Variants in AP2S1 observed in about 807,000 individuals in gnomAD.
The protein encoded by AP2S1 is adaptor related protein complex 2 subunit sigma 1.
In AP2S1, 6 loss-of-function variants were observed where a neutral mutation model predicts 21.0. That is an observed-to-expected ratio of 0.29 (90% CI 0.16 to 0.56). The LOEUF is 0.56. Among genes scored for constraint, AP2S1 ranks in the 20% least tolerant of loss-of-function variants. AP2S1 has a pLI of 0.92. For missense variants in AP2S1, 60 were observed against 186.2 expected (o/e 0.32, Z 3.95); for synonymous variants, 63 against 74.6 (o/e 0.84, Z 0.80).
chr19:46,839,448 T>TCCCCCCCCCCC lies in AP2S1; in HGVS notation c.267+16_267+17insGGGGGGGGGGG. 2 of 723,162 alleles carry TCCCCCCCCCCC rather than the reference T, an allele frequency of 2.8e-6. No homozygotes were observed. Among genetic ancestry groups the TCCCCCCCCCCC allele is most frequent in the Non-Finnish European group, 2.4e-6 (1 of 423,320 alleles). 44.8% of individuals were successfully genotyped at this position (723,162 alleles called of 1,614,324 possible). ...TGCCCACCCGCCTCCCCACCTTACA[T>TCCCCCCCCCCC]CCCTCTCCCGCCGTACCTCCACGAA... On this transcript the variant is annotated intron_variant, in intron 3 of 4. Transcript: ENST00000263270.
At chr19:46,843,548 C>T (rs1285565630) in intron 2 of AP2S1, among the ~76,000 whole-genome samples, 1 of 152,040 alleles carries the variant, frequency 6.6e-6, no homozygotes, top group South Asian at 2.1e-4. Context: ...ATGGCGAAAC[C>T]CTGTCTCTAC....
intron 3 of AP2S1, 137 bp downstream of exon 3, chr19:46,839,328 A>G (rs2055472927): frequency 2.6e-6 from 2 of 778,238 alleles, no homozygotes; most frequent in East Asian, 2.7e-5. Flanking sequence ...GAAAAAGAAA[A>G]AAAAGAAATG....
chr19:46,847,301 C>A (rs984252178), intron 1 of AP2S1, among the ~76,000 whole-genome samples: 12 of 151,452 alleles, frequency 7.9e-5, no homozygotes, highest in African/African-American at 2.9e-4. Context: ...TGGCGCGATC[C>A]CGCCTCACTG....
rs368803584 is a variant in AP2S1, at chr19:46,846,149, G to A, written c.4-7C>T. The A allele has an allele frequency of 1.2e-6, 2 of 1,613,884 alleles. No individual in the cohort carries two copies. Among genetic ancestry groups the A allele is most frequent in the African/African-American group, 1.3e-5 (1 of 75,020 alleles). ...GGATGAGGATAAAGCGGATCTGGGG[G>A]CAGCAGGAGGAGAAGGAGGAAGTGA... On this transcript the variant is annotated splice_polypyrimidine_tract_variant and splice_region_variant and intron_variant, in intron 1 of 4. Coordinates refer to ENST00000263270, the MANE Select transcript of AP2S1 (RefSeq NM_004069.6).
chr19:46,846,829 AAAATGT>A (rs1374808724), intron 1 of AP2S1, among the ~76,000 whole-genome samples: 1 of 151,860 alleles, frequency 6.6e-6, no homozygotes, highest in Non-Finnish European at 1.5e-5. Flanking sequence ...CCACGCCTGG[AAAATGT>A]TTGTATTTTT....
intron 2 of AP2S1, among the ~76,000 whole-genome samples, chr19:46,840,250 G>T (rs78652790): frequency 6.6e-6 from 1 of 151,426 alleles, no homozygotes; most frequent in Non-Finnish European, 1.5e-5. Context: ...CATTTTATGC[G>T]CGTGTTAAGT....
At chr19:46,843,940 T>C (rs1179123299) in intron 2 of AP2S1, among the ~76,000 whole-genome samples, 2 of 152,002 alleles carry the variant, frequency 1.3e-5, no homozygotes, top group Non-Finnish European at 2.9e-5. Flanking sequence ...GAGAGGAGTC[T>C]TGTTCTGTTG....
At chr19:46,846,909 G>A (rs1276540295) in intron 1 of AP2S1, among the ~76,000 whole-genome samples, 4 of 151,782 alleles carry the variant, frequency 2.6e-5, no homozygotes, top group East Asian at 1.9e-4. Flanking sequence ...CAGGTGATCC[G>A]CCCGCCTCTG....
intron 1 of AP2S1, among the ~76,000 whole-genome samples, chr19:46,848,938 C>T (rs984936481): frequency 6.6e-6 from 1 of 151,366 alleles, no homozygotes; most frequent in Non-Finnish European, 1.5e-5. Flanking sequence ...GTCTCGAACT[C>T]CTGACCTTGT....
At chr19:46,849,115 C>T (rs1262590868) in intron 1 of AP2S1, among the ~76,000 whole-genome samples, 1 of 151,562 alleles carries the variant, frequency 6.6e-6, no homozygotes, top group African/African-American at 2.4e-5. Context: ...AAGCGATTCT[C>T]CTGCCTCAGC....
Position 46,847,893 on chromosome 19 carries a change from A to G in AP2S1, c.4-1751T>C, listed in dbSNP as rs453943. Among the ~76,000 whole-genome samples, 290 of 152,246 alleles carry G rather than the reference A, an allele frequency of 1.9e-3. 2 individuals are homozygous for G. The highest frequency in any genetic ancestry group is 6.6e-3 in the African/African-American group (275 of 41,548). On this transcript the variant is annotated intron_variant, in intron 1 of 4. Transcript: ENST00000263270. ...ATAATACTGCTATGAACATTCGTGT[A>G]TGAGTTTTCGTGTGGATGGATCATT...
rs567957637 is a variant in AP2S1 at position 46,838,876 on chromosome 19, T to C, written c.268-77A>G. The C allele has an allele frequency of 5.5e-5, 77 of 1,397,382 alleles. No homozygotes were observed. In the African/African-American group the frequency reaches 1.0e-3, roughly 18 times the overall value. 86.6% of individuals were successfully genotyped at this position (1,397,382 alleles called of 1,614,324 possible). ...ACGCACAGAGATGGGAACAAGGTCA[T>C]CAGAAAGAGACAGCAAAAAAAGAGA... On this transcript the variant is annotated intron_variant, in intron 3 of 4. Coordinates refer to ENST00000263270, the MANE Select transcript of AP2S1 (RefSeq NM_004069.6). The surrounding 1 kb of genome is among the most constrained non-coding windows in gnomAD (Gnocchi z 4.1).
At chr19:46,843,930 G>A (rs2055572497) in intron 2 of AP2S1, among the ~76,000 whole-genome samples, 2 of 150,074 alleles carry the variant, frequency 1.3e-5, no homozygotes, top group Non-Finnish European at 1.5e-5. Flanking sequence ...TTTTTTTTTT[G>A]AGAGGAGTCT....
intron 2 of AP2S1, among the ~76,000 whole-genome samples, chr19:46,841,895 C>A (rs2055528493): frequency 6.6e-6 from 1 of 152,184 alleles, no homozygotes; most frequent in Non-Finnish European, 1.5e-5. Context: ...GCGAGTCAGA[C>A]AGAGATTGGA....
At chr19:46,845,413 G>GTAATTAAT (rs112340362) in intron 2 of AP2S1, among the ~76,000 whole-genome samples, 1 of 149,190 alleles carries the variant, frequency 6.7e-6, no homozygotes, top group Non-Finnish European at 1.5e-5. Flanking sequence ...CTCAAAAAAA[G>GTAATTAAT]TAATTAATTA....
intron 3 of AP2S1, 41 bp downstream of exon 3, chr19:46,839,424 G>GGCCCCCC: frequency 1.0e-5 from 15 of 1,504,482 alleles, no homozygotes; most frequent in East Asian, 2.3e-5. Context: ...CTCCAGGGCT[G>GGCCCCCC]CCCACCCGCC....
chr19:46,839,098 C>A (rs181850470), intron 3 of AP2S1, among the ~76,000 whole-genome samples: 110 of 151,902 alleles, frequency 7.2e-4, no homozygotes, highest in African/African-American at 2.6e-3. Context: ...ACCAGCCTGG[C>A]CAACATGGTG....
chr19:46,850,343 C>G (rs1018170820), intron 1 of AP2S1: 41 of 1,243,070 alleles, frequency 3.3e-5, no homozygotes, highest in Admixed American at 3.3e-4. Context: ...ACCTCCCTCC[C>G]CTTTTCCAAG....
chr19:46,839,439 C>CCCCGAAAAA, intron 3 of AP2S1, 26 bp downstream of exon 3: 1 of 1,569,710 alleles, frequency 6.4e-7, no homozygotes. Flanking sequence ...CCCGCCTCCC[C>CCCCGAAAAA]ACCTTACATC....
Sources: allele counts gnomAD v4.1 joint callset (sites outside exome capture counted in the v4.1 genomes callset), GRCh38; gene constraint gnomAD v4.1.1; non-coding constraint Gnocchi (gnomAD v3.1); transcripts MANE v1.5; gene names NCBI Gene and HGNC (gene_info 2026-07-23, HGNC 2026-07-21).